Variants in STXBP6 observed in about 807,000 individuals in gnomAD.
STXBP6 encodes syntaxin-binding protein 6.
Under a neutral mutation model 26.9 loss-of-function variants are expected in STXBP6, and 21 were observed. That is an observed-to-expected ratio of 0.78 (90% CI 0.55 to 1.12). The LOEUF (loss-of-function observed/expected upper bound fraction) is 1.12. STXBP6 is among the 50% of genes most tolerant of loss of function. The pLI, the probability that STXBP6 is intolerant of heterozygous loss-of-function variation, is 0.00. For synonymous variants in STXBP6, 97 were observed against 92.6 expected, an observed-to-expected ratio of 1.05 and a Z score of -0.27; for missense variants, 232 against 257.9, an observed-to-expected ratio of 0.90 and a Z score of 0.69.
In STXBP6 at chr14:24,867,670, G is replaced by A. The variant is rs868424345; in HGVS notation, c.155-10513C>T. On this transcript the variant is annotated intron_variant, in intron 2 of 5. Transcript: ENST00000323944. ...GTACTATACACAAAAAAAATAAATC[G>A]AAATGGGTGATATATCTAAATGTAA... Among the ~76,000 whole-genome samples, 5 of 152,116 alleles carry A rather than the reference G, an allele frequency of 3.3e-5. No homozygotes were observed. In the South Asian group the frequency reaches 8.3e-4, roughly 25 times the overall value.
At chr14:24,851,132 A>G (rs1446659065) in intron 4 of STXBP6, among the ~76,000 whole-genome samples, 2 of 152,108 alleles carry the variant, frequency 1.3e-5, no homozygotes, top group African/African-American at 4.8e-5. Flanking sequence ...GCTCACGTTT[A>G]AAGAATACTG....
chr14:25,019,154 G>A (rs756321179), intron 1 of STXBP6, among the ~76,000 whole-genome samples: 13 of 152,294 alleles, frequency 8.5e-5, no homozygotes, highest in Non-Finnish European at 1.8e-4. Flanking sequence ...AACAAAGCAG[G>A]TAATTCAGTT....
chr14:24,925,752 GT>G, intron 2 of STXBP6, among the ~76,000 whole-genome samples: 1 of 152,188 alleles, frequency 6.6e-6, no homozygotes, highest in South Asian at 2.1e-4. Context: ...TATATAATGG[GT>G]TTTTAAAGTA....
rs114903301 is a variant in STXBP6 at position 24,917,059 on chromosome 14, C to T, written c.154+57606G>A. On this transcript the variant is annotated intron_variant, in intron 2 of 5. Coordinates refer to ENST00000323944, the MANE Select transcript of STXBP6 (RefSeq NM_001394410.1). ...AACAGCTGAGAAAAGTCTGTCTCTC[C>T]TAAGGAAGCATAGCATAAGGAAGAC... Among the ~76,000 whole-genome samples the T allele has an allele frequency of 3.9e-3, 594 of 152,078 alleles. 3 individuals are homozygous for T. Among genetic ancestry groups the T allele is most frequent in the African/African-American group, 0.014 (569 of 41,490 alleles).
chr14:24,926,248 A>G (rs578055787), intron 2 of STXBP6, among the ~76,000 whole-genome samples: 1 of 152,246 alleles, frequency 6.6e-6, no homozygotes, highest in Non-Finnish European at 1.5e-5. Context: ...TGCTAAAGGG[A>G]GCAGAACGCT....
chr14:24,917,833 A>G (rs2071824134), intron 2 of STXBP6, among the ~76,000 whole-genome samples: 1 of 152,094 alleles, frequency 6.6e-6, no homozygotes, highest in Non-Finnish European at 1.5e-5. Flanking sequence ...GGGAGAAAAT[A>G]TTTGCTAACC....
intron 2 of STXBP6, among the ~76,000 whole-genome samples, chr14:24,907,303 T>A (rs2071417715): frequency 6.6e-6 from 1 of 152,108 alleles, no homozygotes; most frequent in African/African-American, 2.4e-5. Context: ...TATGTGTCAA[T>A]AAAAAATAAA....
intron 2 of STXBP6, among the ~76,000 whole-genome samples, chr14:24,892,870 A>G (rs1161980514): frequency 6.6e-6 from 1 of 152,180 alleles, no homozygotes; most frequent in Non-Finnish European, 1.5e-5. Flanking sequence ...TGGACCTTGC[A>G]CGTTCTCAAC....
At chr14:24,972,681 G>C (rs1886054) in intron 2 of STXBP6, among the ~76,000 whole-genome samples, 25,193 of 152,184 alleles carry the variant, frequency 0.17, 2,868 homozygotes, top group African/African-American at 0.32. Flanking sequence ...AAGCAGAACT[G>C]TGGAATCTAA....
At chr14:24,847,450 TATG>T (rs1235918602) in intron 4 of STXBP6, among the ~76,000 whole-genome samples, 1 of 152,212 alleles carries the variant, frequency 6.6e-6, no homozygotes, top group Non-Finnish European at 1.5e-5. Flanking sequence ...TTTATGAAAT[TATG>T]ATGACAGTAG....
intron 2 of STXBP6, among the ~76,000 whole-genome samples, chr14:24,974,093 A>T (rs1189137439): frequency 6.6e-6 from 1 of 150,432 alleles, no homozygotes; most frequent in Non-Finnish European, 1.5e-5. Context: ...AATCACAAAC[A>T]GAAAGAGAAA....
intron 1 of STXBP6, among the ~76,000 whole-genome samples, chr14:25,027,914 C>T (rs1289206029): frequency 6.6e-6 from 1 of 152,326 alleles, no homozygotes. Flanking sequence ...CTACAGCATT[C>T]CCTTAAGCCA....
chr14:24,830,887 G>A (rs1454037229), intron 4 of STXBP6, among the ~76,000 whole-genome samples: 1 of 152,156 alleles, frequency 6.6e-6, no homozygotes, highest in African/African-American at 2.4e-5. Flanking sequence ...GGTGAATTTG[G>A]CACAATGGAA....
At chr14:24,997,792 C>T (rs2074643427) in intron 1 of STXBP6, among the ~76,000 whole-genome samples, 1 of 152,228 alleles carries the variant, frequency 6.6e-6, no homozygotes, top group East Asian at 1.9e-4. Flanking sequence ...ATAATTCACA[C>T]ATATGGAAAA....
chr14:24,972,051 C>A (rs1390225466), intron 2 of STXBP6, among the ~76,000 whole-genome samples: 1 of 152,182 alleles, frequency 6.6e-6, no homozygotes, highest in African/African-American at 2.4e-5. Flanking sequence ...TTGTCACTTA[C>A]AAGAAACATC....
At chr14:24,896,807 C>T (rs950275745) in intron 2 of STXBP6, among the ~76,000 whole-genome samples, 2 of 152,062 alleles carry the variant, frequency 1.3e-5, no homozygotes, top group Non-Finnish European at 2.9e-5. Context: ...CAAGAGTTGT[C>T]ATAGGTAGAG....
intron 4 of STXBP6, among the ~76,000 whole-genome samples, chr14:24,846,022 G>T (rs905361362): frequency 6.6e-6 from 1 of 152,178 alleles, no homozygotes; most frequent in Non-Finnish European, 1.5e-5. Flanking sequence ...GAAAGACAAT[G>T]TATCTTAGAG....
At chr14:24,986,372 A>G (rs1217376891) in intron 1 of STXBP6, among the ~76,000 whole-genome samples, 1 of 152,174 alleles carries the variant, frequency 6.6e-6, no homozygotes, top group Non-Finnish European at 1.5e-5. Flanking sequence ...AGGCCTCTGT[A>G]TTGACTCCAA....
At chr14:24,822,523 A>G (rs1354814012) in intron 4 of STXBP6, among the ~76,000 whole-genome samples, 1 of 152,194 alleles carries the variant, frequency 6.6e-6, no homozygotes, top group Admixed American at 6.5e-5. Flanking sequence ...AGGCACTATT[A>G]TGTTGACACA....
Sources: allele counts gnomAD v4.1 joint callset (sites outside exome capture counted in the v4.1 genomes callset), GRCh38; gene constraint gnomAD v4.1.1; transcripts MANE v1.5; gene names NCBI Gene and HGNC (gene_info 2026-07-23, HGNC 2026-07-21).